TMTC1: variants seen among roughly 807,000 people sequenced by gnomAD.
The protein encoded by TMTC1 is transmembrane O-mannosyltransferase targeting cadherins 1, also known as protein O-mannosyl-transferase TMTC1.
A neutral mutation model predicts 104.8 loss-of-function variants in TMTC1; 73 were observed. That is an observed-to-expected ratio of 0.70 (90% confidence interval 0.58 to 0.85). The LOEUF (loss-of-function observed/expected upper bound fraction) is 0.85. Ranked by LOEUF, TMTC1 falls within the 40% of genes least tolerant of loss-of-function variation. TMTC1 has a pLI of 0.00. For missense variants in TMTC1, 1,035 were observed against 1,096.1 expected, an observed-to-expected ratio of 0.94 and a Z score of 0.79; for synonymous variants, 434 against 428.7, an observed-to-expected ratio of 1.01 and a Z score of -0.15.
Position 29,522,225 on chromosome 12 carries a change from T to A in TMTC1, c.1786-1505A>T, listed in dbSNP as rs112143806. Among the ~76,000 whole-genome samples the A allele has an allele frequency of 4.3e-3, 648 of 152,328 alleles. 3 individuals are homozygous for A. The highest frequency in any genetic ancestry group is 6.7e-3 in the Non-Finnish European group (455 of 68,030). ...GCTTGTGATTATGTGTTTAGATATT[T>A]ACATTGAGGGCTGAACAATAAGCCA... On this transcript the variant is annotated intron_variant, in intron 11 of 17. Transcript: ENST00000539277.
At position 29,501,502 on chromosome 12, in the gene TMTC1, G is replaced by A. The variant is rs938026036; in HGVS notation, c.*5344C>T. The A allele has an allele frequency of 6.6e-5, 10 of 152,104 alleles. No homozygotes were observed. Among genetic ancestry groups the A allele is most frequent in the African/African-American group, 2.4e-4 (10 of 41,404 alleles). 9.4% of individuals were successfully genotyped at this position (152,104 alleles called of 1,614,324 possible). ...AGGTGGCTCTTCAGTGGCAGAGCTA[G>A]AACTAGAACTAGAACTCAGATGTCT... On this transcript the variant is annotated 3_prime_UTR_variant, in exon 18 of 18. Coordinates refer to ENST00000539277, the MANE Select transcript of TMTC1 (RefSeq NM_001193451.2).
intron 2 of TMTC1, among the ~76,000 whole-genome samples, chr12:29,759,217 C>T (rs1015403610): frequency 2.0e-4 from 30 of 152,222 alleles, no homozygotes; most frequent in African/African-American, 4.3e-4. Context: ...AGAATGGGGC[C>T]GGGCAGGATG....
chr12:29,549,512 T>C (rs1945038370), intron 10 of TMTC1, among the ~76,000 whole-genome samples: 1 of 152,080 alleles, frequency 6.6e-6, no homozygotes, highest in Non-Finnish European at 1.5e-5. Flanking sequence ...TTAAGATTTG[T>C]GCATTTTAAT....
At position 29,699,486 on chromosome 12, in the gene TMTC1, C is replaced by G. The variant is rs900140220; in HGVS notation, c.938+52180G>C. On this transcript the variant is annotated intron_variant, in intron 5 of 17. Coordinates refer to ENST00000539277, the MANE Select transcript of TMTC1 (RefSeq NM_001193451.2). ...ATATCTTCTATGACTACTTTGAATA[C>G]CACATTGTTTTTAAGAACTCCAAAT... Among the ~76,000 whole-genome samples, 6 of 152,222 alleles carry G rather than the reference C, an allele frequency of 3.9e-5. No individual in the cohort carries two copies. In the South Asian group the frequency reaches 8.3e-4, roughly 21 times the overall value.
At chr12:29,526,049 A>G (rs945222909) in intron 11 of TMTC1, among the ~76,000 whole-genome samples, 3 of 152,222 alleles carry the variant, frequency 2.0e-5, no homozygotes, top group Admixed American at 6.5e-5. Flanking sequence ...AAATTTCTCT[A>G]TAAATGTTTA....
intron 5 of TMTC1, among the ~76,000 whole-genome samples, chr12:29,732,210 G>C (rs1001403761): frequency 1.2e-4 from 18 of 152,236 alleles, no homozygotes; most frequent in African/African-American, 4.1e-4. Context: ...ACAGGATAAG[G>C]CGATACCAGA....
At chr12:29,588,559 T>A (rs972701181) in intron 7 of TMTC1, among the ~76,000 whole-genome samples, 4 of 152,164 alleles carry the variant, frequency 2.6e-5, no homozygotes, top group African/African-American at 9.7e-5. Context: ...ATTACAGATA[T>A]CAAGAACATA....
intron 5 of TMTC1, among the ~76,000 whole-genome samples, chr12:29,645,005 G>A (rs1346075413): frequency 1.3e-5 from 2 of 152,254 alleles, no homozygotes; most frequent in African/African-American, 4.8e-5. Context: ...CCCTGTAACT[G>A]TCCATGAATG....
intron 7 of TMTC1, among the ~76,000 whole-genome samples, chr12:29,586,833 T>C (rs1327495442): frequency 6.6e-6 from 1 of 151,408 alleles, no homozygotes; most frequent in Non-Finnish European, 1.5e-5. Flanking sequence ...TGGATTCGGT[T>C]TGCCAGTATT....
chr12:29,548,047 T>C (rs1018345843), intron 10 of TMTC1, among the ~76,000 whole-genome samples: 1 of 152,196 alleles, frequency 6.6e-6, no homozygotes, highest in African/African-American at 2.4e-5. Flanking sequence ...ACCATTCTTC[T>C]TGCCAATTTG....
chr12:29,630,658 A>G (rs1938250559), intron 6 of TMTC1, among the ~76,000 whole-genome samples: 1 of 152,172 alleles, frequency 6.6e-6, no homozygotes, highest in Admixed American at 6.5e-5. Flanking sequence ...GATGACACTG[A>G]GTTCGTCCAT....
chr12:29,728,096 C>T (rs1461974010), intron 5 of TMTC1, among the ~76,000 whole-genome samples: 1 of 152,172 alleles, frequency 6.6e-6, no homozygotes, highest in African/African-American at 2.4e-5. Flanking sequence ...CAACTTTTGG[C>T]GGAGATTACA....
At chr12:29,552,611 C>T (rs530155891) in intron 10 of TMTC1, among the ~76,000 whole-genome samples, 53 of 152,268 alleles carry the variant, frequency 3.5e-4, no homozygotes, top group African/African-American at 1.1e-3. Flanking sequence ...TATTTCCTTA[C>T]TAAAGGACTT....
At chr12:29,650,507 C>G (rs189501663) in intron 5 of TMTC1, among the ~76,000 whole-genome samples, 6 of 152,306 alleles carry the variant, frequency 3.9e-5, no homozygotes, top group Admixed American at 3.9e-4. Flanking sequence ...GGTTCTCACA[C>G]TGCAAAATCA....
chr12:29,744,520 T>C (rs999473988), intron 5 of TMTC1, among the ~76,000 whole-genome samples: 4 of 152,356 alleles, frequency 2.6e-5, no homozygotes, highest in African/African-American at 7.2e-5. Flanking sequence ...ATAAGCACGT[T>C]GTTGAAATGA....
intron 5 of TMTC1, chr12:29,641,102 G>T (rs571079833): frequency 3.3e-5 from 5 of 152,350 alleles, no homozygotes; most frequent in African/African-American, 1.2e-4. Context: ...CCCAAGGAGG[G>T]TCTGAGCTCA....
intron 5 of TMTC1, among the ~76,000 whole-genome samples, chr12:29,692,963 G>A (rs1325738501): frequency 2.8e-5 from 4 of 145,026 alleles, no homozygotes; most frequent in African/African-American, 1.0e-4. Flanking sequence ...ACAGAAAGCA[G>A]ATGAGTGATT....
intron 5 of TMTC1, among the ~76,000 whole-genome samples, chr12:29,715,544 T>C (rs1942051967): frequency 6.6e-6 from 1 of 152,218 alleles, no homozygotes; most frequent in African/African-American, 2.4e-5. Context: ...TTACATTGTA[T>C]TTATTATGGC....
intron 5 of TMTC1, among the ~76,000 whole-genome samples, chr12:29,750,792 G>A (rs1443386431): frequency 6.6e-6 from 1 of 152,230 alleles, no homozygotes; most frequent in Non-Finnish European, 1.5e-5. Flanking sequence ...ACTCAACTCA[G>A]TGTAAATGGT....
Sources: gnomAD v4.1 joint callset for allele counts (sites outside exome capture counted in the v4.1 genomes callset) on GRCh38, gnomAD v4.1.1 for gene constraint, MANE v1.5 for transcripts, NCBI Gene and HGNC (gene_info 2026-07-23, HGNC 2026-07-21) for gene names.